The following MINDY3 variants were observed in gnomAD, a reference collection of about 807,000 sequenced individuals.
MINDY3 encodes the protein MINDY lysine 48 deubiquitinase 3, also known as ubiquitin carboxyl-terminal hydrolase MINDY-3.
MINDY3 carries 38 observed loss-of-function variants against 69.2 expected under a neutral mutation model. The ratio of observed to expected loss-of-function variants is 0.55; its 90% CI spans 0.42 to 0.72. The LOEUF is 0.72. Among genes scored for constraint, MINDY3 ranks in the 30% least tolerant of loss-of-function variants. The pLI is 0.00. For synonymous variants in MINDY3, 192 were observed against 180.1 expected (o/e 1.07, Z -0.53); for missense variants, 522 against 519.0 (o/e 1.01, Z -0.06).
rs773371657 is a variant in MINDY3, at chr10:15,860,313, C to T, written c.-14G>A. On this transcript the variant is annotated 5_prime_UTR_variant, in exon 1 of 15. Coordinates refer to ENST00000277632, the MANE Select transcript of MINDY3 (RefSeq NM_024948.4). Reference sequence around the variant, plus strand: ...CAGTTCGGACATGATGAGGAACCGGCGGGCGGATCTTCGCTTTGCGGACTC... The same window carrying T: ...CAGTTCGGACATGATGAGGAACCGGTGGGCGGATCTTCGCTTTGCGGACTC... The T allele has an allele frequency of 2.5e-6, 4 of 1,577,216 alleles. No individual in the cohort carries two copies. Among genetic ancestry groups the T allele is most frequent in the Non-Finnish European group, 3.5e-6 (4 of 1,158,236 alleles).
intron 13 of MINDY3, 36 bp from the exon 14 acceptor site, chr10:15,782,262 A>G (rs1482669385): frequency 2.2e-6 from 3 of 1,360,840 alleles, no homozygotes; most frequent in East Asian, 2.3e-5. Context: ...ACTTTAAATT[A>G]TATTTATATC....
At chr10:15,801,135 G>C (rs1366229129) in intron 10 of MINDY3, among the ~76,000 whole-genome samples, 1 of 152,132 alleles carries the variant, frequency 6.6e-6, no homozygotes, top group Non-Finnish European at 1.5e-5. Context: ...AAGAATATCT[G>C]CCTGAACAGG....
chr10:15,819,782 A>C (rs939422234), intron 9 of MINDY3, among the ~76,000 whole-genome samples: 16 of 152,202 alleles, frequency 1.1e-4, no homozygotes, highest in Non-Finnish European at 2.1e-4. Flanking sequence ...GAAGCCTTAA[A>C]TCTCATTTAA....
chr10:15,856,534 A>G (rs1465697151), intron 1 of MINDY3, among the ~76,000 whole-genome samples: 2 of 152,128 alleles, frequency 1.3e-5, no homozygotes, highest in African/African-American at 4.8e-5. Flanking sequence ...GGAAGAAGGA[A>G]AAATGGCTAT....
chr10:15,810,732 A>G (rs1316672944), intron 10 of MINDY3, among the ~76,000 whole-genome samples: 1 of 152,336 alleles, frequency 6.6e-6, no homozygotes, highest in Non-Finnish European at 1.5e-5. Context: ...ACAAAACACA[A>G]AAATCCTGCC....
rs1177607091 is a variant in MINDY3, at chr10:15,837,658, G to T, written c.462-340C>A. ...TCTTGTAAGAGGGGGTAAACACAAAGAAAACTTCACTTTTTAAATCCTAGA... is the reference window on the plus strand; with the variant it reads ...TCTTGTAAGAGGGGGTAAACACAAATAAAACTTCACTTTTTAAATCCTAGA... On this transcript the variant is annotated intron_variant, in intron 5 of 14. Transcript: ENST00000277632. 7.8e-6 allele frequency: 9 copies of T among 1,152,846 alleles called. No homozygotes were observed. In the South Asian group the frequency reaches 1.2e-4, roughly 16 times the overall value. The allele number at this position is 1,152,846 out of a possible 1,614,324, so 71.4% of individuals were successfully genotyped here. A position where few individuals can be genotyped will look rare whatever the true frequency, so the allele number is the denominator to read the frequency against.
intron 10 of MINDY3, among the ~76,000 whole-genome samples, chr10:15,812,139 C>T (rs1839045236): frequency 6.6e-6 from 1 of 151,990 alleles, no homozygotes; most frequent in Non-Finnish European, 1.5e-5. Context: ...ATGGGTTTTG[C>T]CATGTTGGCC....
rs186140864 is a variant in MINDY3 at position 15,850,390 on chromosome 10, C to G, written c.95-2447G>C. ...CTGACTGTCTGGGAGCTGGGCAGAA[C>G]AGAGTCATATTTCTCTTCTTGCAAA... is the stretch of plus-strand genomic sequence containing the variant. On this transcript the variant is annotated intron_variant, in intron 1 of 14. Coordinates refer to ENST00000277632, the MANE Select transcript of MINDY3 (RefSeq NM_024948.4). 3.3e-3 allele frequency among the ~76,000 whole-genome samples: 502 copies of G among 152,300 alleles called. 2 individuals are homozygous for G. The highest frequency in any genetic ancestry group is 0.011 in the African/African-American group (453 of 41,574).
chr10:15,800,883 T>C (rs1838211580), intron 10 of MINDY3, among the ~76,000 whole-genome samples: 1 of 152,178 alleles, frequency 6.6e-6, no homozygotes, highest in African/African-American at 2.4e-5. Flanking sequence ...AGGGTTGCTA[T>C]AGGAAAGGCA....
chr10:15,793,213 G>A (rs1302399859), intron 11 of MINDY3, among the ~76,000 whole-genome samples: 1 of 152,036 alleles, frequency 6.6e-6, no homozygotes, highest in Non-Finnish European at 1.5e-5. Context: ...AAACACTGTG[G>A]ACTTTCTCCA....
intron 4 of MINDY3, among the ~76,000 whole-genome samples, chr10:15,839,195 T>G (rs1478129649): frequency 1.3e-5 from 2 of 151,744 alleles, no homozygotes; most frequent in Non-Finnish European, 3.0e-5. Flanking sequence ...AGATTTTTAT[T>G]TACAATTTAA....
intron 2 of MINDY3, among the ~76,000 whole-genome samples, chr10:15,846,495 C>A (rs1323082980): frequency 6.6e-6 from 1 of 151,862 alleles, no homozygotes; most frequent in African/African-American, 2.4e-5. Flanking sequence ...TCCATAATTC[C>A]AAGGCAAGAT....
intron 14 of MINDY3, among the ~76,000 whole-genome samples, chr10:15,779,447 A>G (rs1836346665): frequency 6.6e-6 from 1 of 152,172 alleles, no homozygotes; most frequent in Admixed American, 6.6e-5. Flanking sequence ...GATCTATACC[A>G]TCGGAAAGAA....
chr10:15,841,735 T>A (rs1833485147), intron 3 of MINDY3, 136 bp from the exon 4 acceptor site: 1 of 523,232 alleles, frequency 1.9e-6, no homozygotes, highest in Non-Finnish European at 3.3e-6. Flanking sequence ...TCTAAATAGA[T>A]TTTAAATTAT....
chr10:15,858,407 A>G (rs551284641), intron 1 of MINDY3, among the ~76,000 whole-genome samples: 1 of 152,346 alleles, frequency 6.6e-6, no homozygotes, highest in African/African-American at 2.4e-5. Flanking sequence ...ACTTATTGTA[A>G]TTGTCAGGAA....
intron 10 of MINDY3, among the ~76,000 whole-genome samples, chr10:15,800,931 G>A (rs1298617808): frequency 6.6e-6 from 1 of 152,182 alleles, no homozygotes; most frequent in African/African-American, 2.4e-5. Context: ...AAAAAGTGCA[G>A]TCATTATACA....
Position 15,860,422 on chromosome 10 carries a change from G to T in MINDY3, c.-123C>A, listed in dbSNP as rs1045264264. Reference sequence around the variant, plus strand: ...GCAAACGAATTGGAAGGTGAGGCAGGAAAGAAGAAGGGGCTGAGAGCCACT... The same window carrying T: ...GCAAACGAATTGGAAGGTGAGGCAGTAAAGAAGAAGGGGCTGAGAGCCACT... On this transcript the variant is annotated 5_prime_UTR_variant, in exon 1 of 15. Transcript: ENST00000277632. The T allele has an allele frequency of 6.7e-6, 5 of 749,086 alleles. No individual in the cohort carries two copies. The Admixed American group carries it at 8.7e-5, about 13-fold the overall frequency. 46.4% of individuals were successfully genotyped at this position (749,086 alleles called of 1,614,324 possible). A position where few individuals can be genotyped will look rare whatever the true frequency, so the allele number is the denominator to read the frequency against.
intron 1 of MINDY3, among the ~76,000 whole-genome samples, chr10:15,850,561 G>A (rs1834211698): frequency 6.6e-6 from 1 of 152,140 alleles, no homozygotes; most frequent in Non-Finnish European, 1.5e-5. Flanking sequence ...AATAAGCCCT[G>A]GTCTCCTGTA....
At chr10:15,827,176 TAAAAAAAAAAAAA>T (rs56332799) in intron 8 of MINDY3, among the ~76,000 whole-genome samples, 1 of 44,876 alleles carries the variant, frequency 2.2e-5, no homozygotes, top group African/African-American at 1.1e-4. Context: ...ATAACAGGAG[TAAAAAAAAAAAAA>T]AAAAAAAAAG....
Sources: gnomAD v4.1 joint callset for allele counts (sites outside exome capture counted in the v4.1 genomes callset) on GRCh38, gnomAD v4.1.1 for gene constraint, MANE v1.5 for transcripts, NCBI Gene and HGNC (gene_info 2026-07-23, HGNC 2026-07-21) for gene names.